The following NLRP5 variants were observed in gnomAD, a reference collection of about 807,000 sequenced individuals.
The protein encoded by NLRP5 is NACHT, LRR and PYD domains-containing protein 5.
A neutral mutation model predicts 113.1 loss-of-function variants in NLRP5; 93 were observed. The ratio of observed to expected loss-of-function variants is 0.82; its 90% CI spans 0.70 to 0.98. The LOEUF (loss-of-function observed/expected upper bound fraction) is 0.98, where lower values mean the gene tolerates loss of function less well. NLRP5 is among the 50% of genes least tolerant of loss of function. NLRP5 has a pLI of 0.00. For synonymous variants in NLRP5, 751 were observed against 600.7 expected (o/e 1.25, Z -3.66); for missense variants, 1,808 against 1,514.3 (o/e 1.19, Z -3.22).
At chr19:56,038,757 G>A (rs1020044652) in intron 10 of NLRP5, among the ~76,000 whole-genome samples, 1 of 152,160 alleles carries the variant, frequency 6.6e-6, no homozygotes, top group Non-Finnish European at 1.5e-5. Flanking sequence ...TAGCAGAAGG[G>A]CCTCCGAGTG....
intron 7 of NLRP5, among the ~76,000 whole-genome samples, chr19:56,029,833 G>T (rs1017792868): frequency 2.0e-5 from 3 of 151,338 alleles, no homozygotes; most frequent in Non-Finnish European, 4.4e-5. Flanking sequence ...GAGGTGGGTG[G>T]ATCACGAGGT....
rs1481623193 is a variant in NLRP5 at position 56,019,333 on chromosome 19, C to G, written c.566-9C>G. Reference sequence around the variant, plus strand: ...CACAAGTATGTTGGAATTCATTCTTCTTTTGCAGAAATTTCACAAGCTATG... The same window carrying G: ...CACAAGTATGTTGGAATTCATTCTTGTTTTGCAGAAATTTCACAAGCTATG... On this transcript the variant is annotated splice_polypyrimidine_tract_variant and intron_variant, in intron 4 of 14. Transcript: ENST00000390649. 3.1e-6 allele frequency: 5 copies of G among 1,613,834 alleles called. No homozygotes were observed. In the Admixed American group the frequency reaches 6.7e-5, roughly 22 times the overall value.
At chr19:56,007,914 T>TGCTTCCAAA (rs1568483131) in intron 2 of NLRP5, among the ~76,000 whole-genome samples, 6 of 29,556 alleles carry the variant, frequency 2.0e-4, no homozygotes, top group Admixed American at 4.3e-4. Context: ...CGTGTGTGTG[T>TGCTTCCAAA]GTGTGTGTGT....
At chr19:55,987,757 A>C in the NLRP5 span, 1 of 1,241,572 alleles carries the variant, frequency 8.1e-7, no homozygotes. Context: ...AGCTTAGGGA[A>C]GTCACTCATC....
upstream of NLRP5, among the ~76,000 whole-genome samples, chr19:55,995,606 G>C (rs995108363): frequency 6.6e-6 from 1 of 152,124 alleles, no homozygotes; most frequent in African/African-American, 2.4e-5. Context: ...TATTAGGATT[G>C]TTTTTCTATT....
At chr19:56,015,869 C>G in intron 4 of NLRP5, 71 bp downstream of exon 4, 1 of 1,193,992 alleles carries the variant, frequency 8.4e-7, no homozygotes, top group Non-Finnish European at 1.2e-6. Context: ...TCATGTAGTT[C>G]AAAGGACGGG....
intron 10 of NLRP5, among the ~76,000 whole-genome samples, chr19:56,039,557 G>A (rs774878165): frequency 2.0e-5 from 3 of 152,112 alleles, no homozygotes; most frequent in African/African-American, 4.8e-5. Flanking sequence ...TTCTCTTTAC[G>A]GGAAAACACC....
At chr19:56,037,343 G>A (rs991530673) in intron 9 of NLRP5, among the ~76,000 whole-genome samples, 1 of 152,142 alleles carries the variant, frequency 6.6e-6, no homozygotes, top group African/African-American at 2.4e-5. Flanking sequence ...CACCTTCATG[G>A]AGATGACATT....
upstream of NLRP5, among the ~76,000 whole-genome samples, chr19:55,995,222 T>TG (rs1309127023): frequency 1.3e-5 from 2 of 152,022 alleles, no homozygotes; most frequent in East Asian, 3.9e-4. Context: ...GGTGTGGGGC[T>TG]GGGGGAGGGA....
intron 2 of NLRP5, among the ~76,000 whole-genome samples, chr19:56,005,105 A>AAT (rs1555763759): frequency 8.1e-6 from 1 of 123,986 alleles, no homozygotes; most frequent in East Asian, 2.2e-4. Flanking sequence ...AAAAAAAAAA[A>AAT]AAATATATAT....
intron 10 of NLRP5, among the ~76,000 whole-genome samples, chr19:56,039,589 TTTCTGGAATCAC>T (rs1322047237): frequency 1.2e-4 from 19 of 152,154 alleles, no homozygotes; most frequent in Non-Finnish European, 8.8e-5. Context: ...TAGCAGACTG[TTTCTGGAATCAC>T]TTCAGTGCTA....
rs780808657 is a variant in NLRP5 at position 56,008,840 on chromosome 19, G to A, written c.495G>A (p.Lys165=). The change falls in exon 3 of 15, where the codon AAG becomes AAA. Residue 165 remains lysine, a synonymous_variant. Transcript: ENST00000390649. ...CGATGACTGACCAAGGACCAAGCAAGGAAAAAGTGCCAGGTTAGAGGGGTG... is the reference window on the plus strand; with the variant it reads ...CGATGACTGACCAAGGACCAAGCAAAGAAAAAGTGCCAGGTTAGAGGGGTG... 5.0e-6 allele frequency: 8 copies of A among 1,612,382 alleles called. No individual in the cohort carries two copies. In the African/African-American group the frequency reaches 1.1e-4, roughly 22 times the overall value.
intron 13 of NLRP5, among the ~76,000 whole-genome samples, chr19:56,055,535 G>GCCTTTTTTTTTTTT: frequency 1.8e-5 from 1 of 55,738 alleles, no homozygotes; most frequent in South Asian, 7.6e-4. Context: ...TTCTTTCTCT[G>GCCTTTTTTTTTTTT]TCTTTTTTTT....
intron 1 of NLRP5, among the ~76,000 whole-genome samples, chr19:56,002,607 G>T (rs558345422): frequency 1.4e-5 from 2 of 144,886 alleles, no homozygotes; most frequent in Non-Finnish European, 3.0e-5. Context: ...TAATGCTATC[G>T]CTCCCCCCTC....
At chr19:56,000,605 C>CCG (rs1409297043) in intron 1 of NLRP5, among the ~76,000 whole-genome samples, 1 of 151,828 alleles carries the variant, frequency 6.6e-6, no homozygotes, top group Non-Finnish European at 1.5e-5. Flanking sequence ...ACCTCATGAT[C>CCG]CGCCCACTTT....
chr19:56,012,657 TCTTACAATTATTTTCCTTGGAAC>T (rs1311208868), intron 3 of NLRP5, among the ~76,000 whole-genome samples: 3 of 69,562 alleles, frequency 4.3e-5, no homozygotes, highest in African/African-American at 1.4e-4. Context: ...TTTGGAACGA[TCTTACAATTATTTTCCTTGGAAC>T]GATCTTACAA....
intron 6 of NLRP5, among the ~76,000 whole-genome samples, chr19:56,024,383 A>G (rs995591572): frequency 7.4e-6 from 1 of 134,628 alleles, no homozygotes; most frequent in Non-Finnish European, 1.6e-5. Context: ...ATGTGTATAT[A>G]TAACATATAT....
At chr19:56,053,875 G>A in intron 13 of NLRP5, 67 bp downstream of exon 13, 1 of 1,445,650 alleles carries the variant, frequency 6.9e-7, no homozygotes, top group South Asian at 1.2e-5. Flanking sequence ...GCATGAGGTT[G>A]CTTGAACAGG....
intron 7 of NLRP5, among the ~76,000 whole-genome samples, chr19:56,030,711 C>CTTTTTTTTT (rs1251579019): frequency 0.021 from 982 of 47,554 alleles, 28 homozygotes; most frequent in South Asian, 0.024. Flanking sequence ...TCGCTTTCTT[C>CTTTTTTTTT]TTCTTTTTTT....
Sources: allele counts gnomAD v4.1 joint callset (sites outside exome capture counted in the v4.1 genomes callset), GRCh38; gene constraint gnomAD v4.1.1; transcripts MANE v1.5; gene names NCBI Gene and HGNC (gene_info 2026-07-23, HGNC 2026-07-21).